The following TBXAS1 variants were observed in gnomAD, a reference collection of about 807,000 sequenced individuals.
TBXAS1 encodes the protein thromboxane A synthase 1.
A neutral mutation model predicts 60.7 loss-of-function variants in TBXAS1; 48 were observed. That is an observed-to-expected ratio of 0.79 (90% CI 0.63 to 1.01). The LOEUF is 1.01. TBXAS1 is among the 50% of genes least tolerant of loss of function. TBXAS1 has a pLI of 0.00. For synonymous variants in TBXAS1, 287 were observed against 269.7 expected, an observed-to-expected ratio of 1.06 and a Z score of -0.63; for missense variants, 685 against 686.3, an observed-to-expected ratio of 1.00 and a Z score of 0.02.
At chr7:139,924,141 T>G (rs1424058802) in intron 4 of TBXAS1, among the ~76,000 whole-genome samples, 2 of 152,222 alleles carry the variant, frequency 1.3e-5, no homozygotes, top group Non-Finnish European at 2.9e-5. Context: ...TGATTTCCTT[T>G]CTTTGGGGTA....
At chr7:139,908,889 A>T (rs1211789141) in intron 3 of TBXAS1, among the ~76,000 whole-genome samples, 1 of 152,136 alleles carries the variant, frequency 6.6e-6, no homozygotes, top group Non-Finnish European at 1.5e-5. Flanking sequence ...GTTTTCCTTC[A>T]TCAGAGAATG....
At chr7:139,886,288 G>A (rs748734982) in intron 3 of TBXAS1, among the ~76,000 whole-genome samples, 1 of 152,012 alleles carries the variant, frequency 6.6e-6, no homozygotes, top group Admixed American at 6.6e-5. Flanking sequence ...CCCTGAGTAA[G>A]GCTGTCAGTT....
At position 139,814,560 on chromosome 7, in the gene TBXAS1, G is replaced by A. The variant is rs538244000; in HGVS notation, c.-79-14752G>A. Among the ~76,000 whole-genome samples, 33 of 152,274 alleles carry A rather than the reference G, an allele frequency of 2.2e-4. No individual in the cohort carries two copies. In the East Asian group the frequency reaches 3.7e-3, roughly 17 times the overall value. On this transcript the variant is annotated intron_variant, in intron 4 of 16. Coordinates refer to the TBXAS1 transcript ENST00000336425. ...ATGTGGAAGGCCTCATACAAGGTGG[G>A]AAAATATAGTTCTCTGGAGTTCCAA...
intron 1 of TBXAS1, among the ~76,000 whole-genome samples, chr7:139,834,682 C>A (rs1233313382): frequency 6.6e-6 from 1 of 152,180 alleles, no homozygotes; most frequent in African/African-American, 2.4e-5. Context: ...TTCAAGGCTA[C>A]TATGAACACC....
At chr7:139,825,416 T>C (rs1171631321), upstream of TBXAS1, among the ~76,000 whole-genome samples, 1 of 152,126 alleles carries the variant, frequency 6.6e-6, no homozygotes, top group Non-Finnish European at 1.5e-5. Context: ...AGAATGGGTG[T>C]GGTAACGTCT....
Position 139,954,532 on chromosome 7 carries a change from C to G in TBXAS1, c.540-927C>G, listed in dbSNP as rs771953244. Among the ~76,000 whole-genome samples the G allele has an allele frequency of 1.4e-4, 21 of 152,158 alleles. 1 individual carries two copies. The highest frequency in any genetic ancestry group is 2.6e-4 in the Admixed American group (4 of 15,276). On this transcript the variant is annotated intron_variant, in intron 6 of 12. Coordinates refer to ENST00000448866, the MANE Select transcript of TBXAS1 (RefSeq NM_001061.7). ...AAGTCATCTGGAAACGTCATGTATTCCTTAATGATAAGTTAGTGGTTATAG... is the reference window on the plus strand; with the variant it reads ...AAGTCATCTGGAAACGTCATGTATTGCTTAATGATAAGTTAGTGGTTATAG...
chr7:139,944,567 C>A (rs1241860222), intron 5 of TBXAS1, among the ~76,000 whole-genome samples: 1 of 152,208 alleles, frequency 6.6e-6, no homozygotes, highest in Non-Finnish European at 1.5e-5. Flanking sequence ...TTCCCAGACC[C>A]ATGGGGCAAA....
rs77488091 is a variant in TBXAS1 at position 139,980,739 on chromosome 7, C to G, written c.1134+18506C>G. 7.0e-3 allele frequency among the ~76,000 whole-genome samples: 1,064 copies of G among 151,928 alleles called. 7 individuals are homozygous for G. The highest frequency in any genetic ancestry group is 0.012 in the Non-Finnish European group (792 of 67,970). On this transcript the variant is annotated intron_variant, in intron 9 of 12. Transcript: ENST00000448866. ...GCACAGGCCTCACCTGCCTTCCCCC[C>G]CTGTCATTTCTGCAGCCAGCCTGTC...
At chr7:139,834,525 CA>C (rs1798932085) in intron 1 of TBXAS1, among the ~76,000 whole-genome samples, 3 of 151,824 alleles carry the variant, frequency 2.0e-5, no homozygotes, top group Non-Finnish European at 4.4e-5. Flanking sequence ...ATAAATTAAA[CA>C]AAAAACTGGT....
chr7:139,983,431 C>T (rs1375058548), intron 9 of TBXAS1, among the ~76,000 whole-genome samples: 1 of 152,166 alleles, frequency 6.6e-6, no homozygotes, highest in Non-Finnish European at 1.5e-5. Context: ...GTCGAGAAAA[C>T]AGAGGCTCAG....
intron 5 of TBXAS1, among the ~76,000 whole-genome samples, chr7:139,936,846 T>C (rs1048973750): frequency 2.0e-5 from 3 of 152,126 alleles, no homozygotes; most frequent in Non-Finnish European, 4.4e-5. Context: ...GTGATTGCAG[T>C]GAATGACTGG....
chr7:139,980,628 C>T (rs1376046439), intron 9 of TBXAS1, among the ~76,000 whole-genome samples: 1 of 151,778 alleles, frequency 6.6e-6, no homozygotes, highest in Admixed American at 6.6e-5. Context: ...CACTTCCTCC[C>T]CTCGTTTCCT....
chr7:139,931,056 T>C (rs114384675), intron 4 of TBXAS1, among the ~76,000 whole-genome samples: 3,583 of 151,768 alleles, frequency 0.024, 120 homozygotes, highest in African/African-American at 0.08. Flanking sequence ...CACACACACA[T>C]ACACACATAC....
At chr7:139,939,121 T>C (rs1490607544) in intron 5 of TBXAS1, among the ~76,000 whole-genome samples, 3 of 152,120 alleles carry the variant, frequency 2.0e-5, no homozygotes, top group Non-Finnish European at 4.4e-5. Context: ...TCCCAGCACT[T>C]TGGGAGGCCG....
At chr7:139,979,794 C>T (rs1811839489) in intron 9 of TBXAS1, among the ~76,000 whole-genome samples, 1 of 150,104 alleles carries the variant, frequency 6.7e-6, no homozygotes, top group Non-Finnish European at 1.5e-5. Context: ...AAGAAAAAAC[C>T]CTCAGCTAAG....
At chr7:140,010,309 G>A (rs115451614) in intron 10 of TBXAS1, among the ~76,000 whole-genome samples, 3,118 of 152,282 alleles carry the variant, frequency 0.02, 103 homozygotes, top group African/African-American at 0.072. Flanking sequence ...CTCAAAAAGC[G>A]TGTTGACTTT....
chr7:139,922,178 T>C (rs574076985), intron 4 of TBXAS1, among the ~76,000 whole-genome samples: 1 of 151,756 alleles, frequency 6.6e-6, no homozygotes, highest in African/African-American at 2.4e-5. Flanking sequence ...CTCAGCTCAC[T>C]ACAACCTCTG....
intron 9 of TBXAS1, among the ~76,000 whole-genome samples, chr7:139,967,978 T>G (rs1810915385): frequency 6.6e-6 from 1 of 152,220 alleles, no homozygotes; most frequent in African/African-American, 2.4e-5. Context: ...CATCCCAAGT[T>G]CCCTGTGATT....
At chr7:139,826,925 C>G (rs1376676990), upstream of TBXAS1, among the ~76,000 whole-genome samples, 1 of 152,178 alleles carries the variant, frequency 6.6e-6, no homozygotes, top group Non-Finnish European at 1.5e-5. Context: ...CCCAGACTCC[C>G]TGTTTCAATG....
Sources: allele counts gnomAD v4.1 joint callset (sites outside exome capture counted in the v4.1 genomes callset), GRCh38; gene constraint gnomAD v4.1.1; transcripts MANE v1.5; gene names NCBI Gene and HGNC (gene_info 2026-07-23, HGNC 2026-07-21).